Variants in GREB1L observed in about 807,000 individuals in gnomAD.
GREB1L encodes GREB1-like protein.
GREB1L carries 17 observed loss-of-function variants against 200.8 expected under a neutral mutation model. That is an observed-to-expected ratio of 0.08 (90% CI 0.06 to 0.13). GREB1L has a LOEUF of 0.13. GREB1L is among the 10% of genes least tolerant of loss of function. The probability of loss-of-function intolerance (pLI) is 1.00; values close to 1 mark genes in which losing one functional copy is unlikely to be tolerated. For missense variants in GREB1L, 1,657 were observed against 2,367.7 expected (o/e 0.70, Z 6.23); for synonymous variants, 789 against 893.0 (o/e 0.88, Z 2.08).
At chr18:21,276,073 A>G (rs2038158256) in intron 1 of GREB1L, among the ~76,000 whole-genome samples, 1 of 152,142 alleles carries the variant, frequency 6.6e-6, no homozygotes, top group Admixed American at 6.5e-5. Flanking sequence ...TTCCTTCCTC[A>G]TTCTCATTCT....
At chr18:21,320,814 C>T (rs1031841410) in intron 1 of GREB1L, among the ~76,000 whole-genome samples, 2 of 150,112 alleles carry the variant, frequency 1.3e-5, no homozygotes, top group Non-Finnish European at 3.0e-5. Flanking sequence ...TTCCTAGAAG[C>T]AGCACAAAGG....
At chr18:21,428,607 A>AAT (rs35026479) in intron 7 of GREB1L, among the ~76,000 whole-genome samples, 46,802 of 146,370 alleles carry the variant, frequency 0.32, 10,629 homozygotes, top group African/African-American at 0.6. Context: ...TTCAGCTATA[A>AAT]ATCTCACTTA....
intron 1 of GREB1L, among the ~76,000 whole-genome samples, chr18:21,317,066 A>G (rs1598653339): frequency 6.6e-6 from 1 of 151,748 alleles, no homozygotes; most frequent in Admixed American, 6.6e-5. Flanking sequence ...TCTGGCCAGG[A>G]GTCTTCTTTT....
intron 1 of GREB1L, among the ~76,000 whole-genome samples, chr18:21,354,309 C>T (rs2039474155): frequency 6.6e-6 from 1 of 151,970 alleles, no homozygotes; most frequent in Non-Finnish European, 1.5e-5. Flanking sequence ...TAGTTTTGCC[C>T]AGGTATGGTA....
At chr18:21,242,870 G>A (rs1418497356) in intron 1 of GREB1L, among the ~76,000 whole-genome samples, 1 of 152,180 alleles carries the variant, frequency 6.6e-6, no homozygotes, top group Non-Finnish European at 1.5e-5. Flanking sequence ...CAGGCGGGCG[G>A]GCGACAGGTA....
intron 2 of GREB1L, among the ~76,000 whole-genome samples, chr18:21,369,776 G>A (rs1267237719): frequency 1.3e-5 from 2 of 151,710 alleles, no homozygotes; most frequent in African/African-American, 2.4e-5. Flanking sequence ...GTGAAACCCT[G>A]TCTCTACTAA....
intron 15 of GREB1L, among the ~76,000 whole-genome samples, chr18:21,465,442 G>A (rs900873024): frequency 1.3e-5 from 2 of 152,050 alleles, no homozygotes; most frequent in Admixed American, 1.3e-4. Flanking sequence ...TTTGCTCTTA[G>A]GAAGAGCATA....
intron 1 of GREB1L, among the ~76,000 whole-genome samples, chr18:21,308,017 A>C (rs923924734): frequency 6.6e-6 from 1 of 152,182 alleles, no homozygotes; most frequent in Non-Finnish European, 1.5e-5. Flanking sequence ...CTTTCAGATA[A>C]ATTTCTACAA....
At chr18:21,451,707 T>C (rs1478472592) in intron 13 of GREB1L, among the ~76,000 whole-genome samples, 2 of 151,940 alleles carry the variant, frequency 1.3e-5, no homozygotes, top group African/African-American at 4.8e-5. Context: ...TTGCCCAGAC[T>C]GGACTCCAGC....
rs1017525884 is a variant in GREB1L, at chr18:21,514,061, C to T, written c.4901+75C>T. The T allele has an allele frequency of 2.2e-5, 30 of 1,355,368 alleles. No homozygotes were observed. The East Asian group carries it at 3.8e-4, about 17-fold the overall frequency. 84.0% of individuals were successfully genotyped at this position (1,355,368 alleles called of 1,614,324 possible). A position where few individuals can be genotyped will look rare whatever the true frequency, so the allele number is the denominator to read the frequency against. The stretch of plus-strand genomic sequence containing the variant: ...TACATTTCTTGACTACAGTTACATA[C>T]GGAAGTAAGAAAGAGAGAGACAGCT... On this transcript the variant is annotated intron_variant, in intron 28 of 32. Coordinates refer to ENST00000424526, the MANE Select transcript of GREB1L (RefSeq NM_001142966.3).
chr18:21,481,864 A>G (rs1392771000), intron 17 of GREB1L, among the ~76,000 whole-genome samples: 2 of 152,208 alleles, frequency 1.3e-5, no homozygotes, highest in South Asian at 2.1e-4. Flanking sequence ...CTCCACCACA[A>G]TTCATGTATC....
chr18:21,490,894 C>T (rs1265191084), intron 19 of GREB1L, among the ~76,000 whole-genome samples: 1 of 152,124 alleles, frequency 6.6e-6, no homozygotes, highest in Non-Finnish European at 1.5e-5. Flanking sequence ...TTGCTTTGAC[C>T]CTCAGCCCCA....
intron 1 of GREB1L, among the ~76,000 whole-genome samples, chr18:21,328,108 T>C (rs574870097): frequency 6.6e-6 from 1 of 152,172 alleles, no homozygotes; most frequent in Non-Finnish European, 1.5e-5. Context: ...TTATGAAGAA[T>C]GTCTTCAGCT....
chr18:21,349,670 A>G (rs2039405019), intron 1 of GREB1L, among the ~76,000 whole-genome samples: 1 of 152,002 alleles, frequency 6.6e-6, no homozygotes, highest in Non-Finnish European at 1.5e-5. Context: ...TGAGGGATCT[A>G]GGTCGCATGC....
chr18:21,517,841 C>T (rs142773259), intron 30 of GREB1L, among the ~76,000 whole-genome samples, 193 bp from the exon 31 acceptor site: 16 of 152,180 alleles, frequency 1.1e-4, no homozygotes, highest in South Asian at 6.2e-4. Flanking sequence ...GTGTAACTTA[C>T]ATTAAATCCT....
chr18:21,503,733 C>CA, intron 23 of GREB1L, among the ~76,000 whole-genome samples: 1 of 151,980 alleles, frequency 6.6e-6, no homozygotes, highest in Non-Finnish European at 1.5e-5. Context: ...TGCACCACCA[C>CA]ACCCAGCTAG....
chr18:21,242,304 G>C lies in GREB1L; in HGVS notation c.-209G>C, dbSNP rs1456394304. Reference sequence around the variant, plus strand: ...CCGGAGCAGCGGAGCGCAGCGCGGCGCAGGGAACGGCACTGGGGGTGGGGA... The same window carrying C: ...CCGGAGCAGCGGAGCGCAGCGCGGCCCAGGGAACGGCACTGGGGGTGGGGA... On this transcript the variant is annotated 5_prime_UTR_variant, in exon 1 of 33. Transcript: ENST00000424526. 2.0e-5 allele frequency: 3 copies of C among 152,192 alleles called. No homozygotes were observed. The highest frequency in any genetic ancestry group is 4.4e-5 in the Non-Finnish European group (3 of 68,152). The allele number at this position is 152,192 out of a possible 1,614,324, so 9.4% of individuals were successfully genotyped here. A position where few individuals can be genotyped will look rare whatever the true frequency, so the allele number is the denominator to read the frequency against.
intron 1 of GREB1L, among the ~76,000 whole-genome samples, chr18:21,304,061 T>G (rs891830895): frequency 1.3e-5 from 2 of 152,202 alleles, no homozygotes; most frequent in African/African-American, 2.4e-5. Flanking sequence ...TCTTTTGATG[T>G]AGCAGTACTG....
intron 16 of GREB1L, among the ~76,000 whole-genome samples, chr18:21,473,568 C>CAA (rs1261372851): frequency 1.3e-4 from 6 of 46,604 alleles, no homozygotes; most frequent in African/African-American, 2.7e-4. Flanking sequence ...GACTTTGTCT[C>CAA]AAAAAAAAAA....
Sources: allele counts gnomAD v4.1 joint callset (sites outside exome capture counted in the v4.1 genomes callset), GRCh38; gene constraint gnomAD v4.1.1; transcripts MANE v1.5; gene names NCBI Gene and HGNC (gene_info 2026-07-23, HGNC 2026-07-21).